RAB31: variants seen among roughly 807,000 people sequenced by gnomAD.
RAB31 encodes ras-related protein Rab-31.
A neutral mutation model predicts 25.6 loss-of-function variants in RAB31; 21 were observed. The ratio of observed to expected loss-of-function variants is 0.82; its 90% confidence interval spans 0.58 to 1.18. The LOEUF is 1.18. RAB31 is among the 50% of genes most tolerant of loss of function. The pLI is 0.00. For missense variants in RAB31, 196 were observed against 250.1 expected (o/e 0.78, Z 1.46); for synonymous variants, 87 against 84.0 (o/e 1.04, Z -0.20).
At chr18:9,719,130 C>T (rs1454363875) in intron 1 of RAB31, among the ~76,000 whole-genome samples, 3 of 150,376 alleles carry the variant, frequency 2.0e-5, no homozygotes, top group East Asian at 3.9e-4. Context: ...ATTAGCTGAG[C>T]GTGGTGGCGT....
intron 1 of RAB31, among the ~76,000 whole-genome samples, chr18:9,718,257 A>T (rs1384968441): frequency 1.3e-5 from 2 of 151,398 alleles, no homozygotes; most frequent in African/African-American, 2.4e-5. Context: ...TATTTTCTGA[A>T]TTTTTTTGTT....
At chr18:9,764,848 A>C (rs1224064981) in intron 1 of RAB31, among the ~76,000 whole-genome samples, 2 of 152,180 alleles carry the variant, frequency 1.3e-5, no homozygotes, top group Non-Finnish European at 2.9e-5. Context: ...GCCATGTATT[A>C]GTTTAAATTT....
intron 4 of RAB31, 144 bp from the exon 5 acceptor site, chr18:9,814,972 G>T: frequency 1.8e-6 from 1 of 568,504 alleles, no homozygotes. Context: ...TAACTTTTGT[G>T]CCTAGACAGA....
At chr18:9,783,963 C>T (rs532010508) in intron 2 of RAB31, among the ~76,000 whole-genome samples, 1 of 152,246 alleles carries the variant, frequency 6.6e-6, no homozygotes, top group Admixed American at 6.5e-5. Context: ...AGGTTGGTAC[C>T]AACTAAGTTT....
At chr18:9,803,729 A>G (rs2068525416) in intron 3 of RAB31, among the ~76,000 whole-genome samples, 1 of 152,232 alleles carries the variant, frequency 6.6e-6, no homozygotes. Context: ...ATATTTGAAA[A>G]TTGGTGCTGG....
chr18:9,845,729 T>C, intron 6 of RAB31, 38 bp downstream of exon 6: 1 of 1,515,796 alleles, frequency 6.6e-7, no homozygotes, highest in Non-Finnish European at 8.8e-7. Flanking sequence ...CCAACTTGCA[T>C]TTTTATGCTT....
At chr18:9,739,724 G>C (rs2068168444) in intron 1 of RAB31, among the ~76,000 whole-genome samples, 1 of 152,178 alleles carries the variant, frequency 6.6e-6, no homozygotes, top group Non-Finnish European at 1.5e-5. Context: ...GGCTGGTTCA[G>C]GGCTTGTTTG....
In RAB31 at chr18:9,845,658, G is replaced by T; in HGVS notation, c.457G>T (p.Ala153Ser). 6.4e-7 allele frequency: 1 copy of T among 1,565,270 alleles called. No homozygotes were observed. Among genetic ancestry groups the T allele is most frequent in the Non-Finnish European group, 8.7e-7 (1 of 1,154,466 alleles). The change falls in exon 6 of 7, where the codon GCT (alanine) becomes TCT (serine). Residue 153 changes from alanine to serine, a missense_variant. Ala to Ser is a moderately conservative substitution (Grantham distance 99, BLOSUM62 1). Coordinates refer to ENST00000578921, the MANE Select transcript of RAB31 (RefSeq NM_006868.4). Reference protein sequence around the residue: ...AIVVETSAKNAINIEELFQGI... With the variant: ...AIVVETSAKNSINIEELFQGI... The stretch of plus-strand genomic sequence containing the variant: ...CGTGGTTGAGACAAGTGCAAAAAAT[G>T]CTATTAATATCGAAGAGCTCTTTCA...
At chr18:9,774,388 TTG>T (rs899180985) in intron 1 of RAB31, among the ~76,000 whole-genome samples, 9 of 152,312 alleles carry the variant, frequency 5.9e-5, no homozygotes, top group African/African-American at 2.2e-4. Context: ...GGGTATGTTG[TTG>T]TGTGGCCTTT....
intron 6 of RAB31, among the ~76,000 whole-genome samples, chr18:9,853,248 AT>A (rs1160272728): frequency 6.6e-6 from 1 of 152,002 alleles, no homozygotes; most frequent in African/African-American, 2.4e-5. Flanking sequence ...AGTTTGTCAG[AT>A]TTTTTCCCTT....
At chr18:9,792,361 AG>A in intron 3 of RAB31, 126 bp downstream of exon 3, 1 of 1,437,868 alleles carries the variant, frequency 7.0e-7, no homozygotes, top group Non-Finnish European at 9.2e-7. Context: ...AAATGATGTA[AG>A]CAAAAAGAAA....
chr18:9,843,732 T>A (rs1201949039), intron 5 of RAB31, among the ~76,000 whole-genome samples: 1 of 152,128 alleles, frequency 6.6e-6, no homozygotes, highest in Non-Finnish European at 1.5e-5. Flanking sequence ...TGTCGGGGTG[T>A]ACTTTTCCCT....
At chr18:9,746,189 C>CT (rs142354750) in intron 1 of RAB31, among the ~76,000 whole-genome samples, 144,488 of 152,130 alleles carry the variant, frequency 0.95, 68,692 homozygotes, top group African/African-American at 0.98. Context: ...AACATTTAAC[C>CT]AAATACATTT....
chr18:9,801,492 A>G (rs553655112), intron 3 of RAB31, among the ~76,000 whole-genome samples: 1 of 152,102 alleles, frequency 6.6e-6, no homozygotes, highest in Non-Finnish European at 1.5e-5. Flanking sequence ...CATGTTGGCC[A>G]GATGTCTCAA....
intron 1 of RAB31, among the ~76,000 whole-genome samples, chr18:9,733,437 A>T (rs2068133361): frequency 6.6e-6 from 1 of 152,172 alleles, no homozygotes; most frequent in South Asian, 2.1e-4. Flanking sequence ...CAGGCTGACC[A>T]GGGACAGGTG....
intron 5 of RAB31, among the ~76,000 whole-genome samples, chr18:9,835,269 CA>C (rs1317425962): frequency 6.6e-6 from 1 of 152,170 alleles, no homozygotes. Flanking sequence ...CAGGAACTCC[CA>C]AACTGCCCCG....
intron 1 of RAB31, among the ~76,000 whole-genome samples, chr18:9,709,648 T>C (rs2068006273): frequency 6.6e-6 from 1 of 152,226 alleles, no homozygotes; most frequent in East Asian, 1.9e-4. Context: ...CTAACTCGAT[T>C]GTCCGGTTGG....
intron 6 of RAB31, among the ~76,000 whole-genome samples, chr18:9,856,821 C>G (rs74551357): frequency 6.6e-6 from 1 of 152,080 alleles, no homozygotes; most frequent in Non-Finnish European, 1.5e-5. Flanking sequence ...TGATGTAACT[C>G]GACACTGTCA....
Position 9,786,493 on chromosome 18 carries a change from G to A in RAB31, c.120-5661G>A, listed in dbSNP as rs183954706. On this transcript the variant is annotated intron_variant, in intron 2 of 6. Transcript: ENST00000578921. ...TGTCGATCAGAAGTTCTAGAGGCCC[G>A]GACTTGGGACTGGTGTCTGTGGAGG... Among the ~76,000 whole-genome samples the A allele has an allele frequency of 1.2e-4, 19 of 152,352 alleles. No homozygotes were observed. In the East Asian group the frequency reaches 2.9e-3, roughly 23 times the overall value.
Sources: allele counts gnomAD v4.1 joint callset (sites outside exome capture counted in the v4.1 genomes callset), GRCh38; gene constraint gnomAD v4.1.1; transcripts MANE v1.5; gene names NCBI Gene and HGNC (gene_info 2026-07-23, HGNC 2026-07-21).